The following PCSK5 variants were observed in gnomAD, a reference collection of about 807,000 sequenced individuals.
PCSK5 encodes the protein proprotein convertase subtilisin/kexin type 5, also known as prohormone convertase 5.
Under a neutral mutation model 233.2 loss-of-function variants are expected in PCSK5, and 129 were observed. The ratio of observed to expected loss-of-function variants is 0.55; its 90% CI spans 0.48 to 0.64. The LOEUF (loss-of-function observed/expected upper bound fraction) is 0.64, where lower values mean the gene tolerates loss of function less well. PCSK5 is among the 30% of genes least tolerant of loss of function. The pLI is 0.00. For missense variants in PCSK5, 2,076 were observed against 2,430.1 expected (o/e 0.85, Z 3.06); for synonymous variants, 825 against 879.2 (o/e 0.94, Z 1.09).
At chr9:75,966,995 AAT>A (rs1291861585) in intron 2 of PCSK5, among the ~76,000 whole-genome samples, 2 of 152,220 alleles carry the variant, frequency 1.3e-5, no homozygotes, top group Admixed American at 6.5e-5. Flanking sequence ...AGCCTTAGGA[AAT>A]AGTCTTCAAG....
At chr9:76,005,993 C>T (rs887181442) in intron 3 of PCSK5, among the ~76,000 whole-genome samples, 5 of 151,696 alleles carry the variant, frequency 3.3e-5, no homozygotes, top group African/African-American at 9.7e-5. Flanking sequence ...TACAGCCTCC[C>T]AAGGGGCTAG....
chr9:76,193,413 G>GAGAA lies in PCSK5; in HGVS notation c.2626+3668_2626+3669insGAAA, dbSNP rs1554704156. On this transcript the variant is annotated intron_variant, in intron 20 of 37. Transcript: ENST00000674117. ...ATAGATTATTCCATATTATTAAAAA[G>GAGAA]AAAAAAGCCAAAAAGAAAAAAAAAA... The GAGAA allele has an allele frequency of 7.1e-6, 7 of 981,746 alleles. No individual in the cohort carries two copies. In the East Asian group the frequency reaches 1.3e-4, roughly 18 times the overall value. 60.8% of individuals were successfully genotyped at this position (981,746 alleles called of 1,614,324 possible).
At chr9:76,072,075 T>C (rs1377008612) in intron 7 of PCSK5, among the ~76,000 whole-genome samples, 177 bp downstream of exon 7, 1 of 152,238 alleles carries the variant, frequency 6.6e-6, no homozygotes, top group Non-Finnish European at 1.5e-5. Context: ...ATTTCTGTTC[T>C]GCCAGTGAAC....
intron 9 of PCSK5, among the ~76,000 whole-genome samples, chr9:76,126,017 C>T (rs560685224): frequency 6.6e-6 from 1 of 152,100 alleles, no homozygotes; most frequent in Non-Finnish European, 1.5e-5. Context: ...GGAAAGATAG[C>T]ATTTTGGCAT....
intron 2 of PCSK5, among the ~76,000 whole-genome samples, chr9:75,934,082 C>T (rs2131286445): frequency 1.3e-5 from 2 of 152,290 alleles, no homozygotes; most frequent in African/African-American, 4.8e-5. Flanking sequence ...CTCAGTGCAT[C>T]ACATGGCTTA....
At chr9:76,216,589 TATTGGTTTAAGATGCCCACA>T (rs1825541315) in intron 20 of PCSK5, among the ~76,000 whole-genome samples, 1 of 152,138 alleles carries the variant, frequency 6.6e-6, no homozygotes, top group East Asian at 1.9e-4. Context: ...TTCTGTCCAA[TATTGGTTTAAGATGCCCACA>T]ATTTTTTAGG....
chr9:76,257,951 T>C (rs1396720164), intron 24 of PCSK5, among the ~76,000 whole-genome samples: 1 of 152,238 alleles, frequency 6.6e-6, no homozygotes, highest in Non-Finnish European at 1.5e-5. Context: ...TCTGACTAGC[T>C]ATAAACTATC....
chr9:76,019,249 G>A (rs1418115653), intron 3 of PCSK5, among the ~76,000 whole-genome samples: 3 of 126,924 alleles, frequency 2.4e-5, no homozygotes, highest in Non-Finnish European at 4.9e-5. Flanking sequence ...TTCACTTAAG[G>A]AATATCAATT....
chr9:76,322,946 C>A, intron 31 of PCSK5, 106 bp from the exon 32 acceptor site: 1 of 662,882 alleles, frequency 1.5e-6, no homozygotes, highest in Middle Eastern at 3.4e-4. Flanking sequence ...AGCATACTCT[C>A]AGGTCAAATC....
In PCSK5 at chr9:75,996,866, G is replaced by T. The variant is rs1890560; in HGVS notation, c.411+10621G>T. ...CTTAGCTAAGATTTTTCTTTAATTA[G>T]TAACTCATTCTCTTTTGGAGAGCAG... On this transcript the variant is annotated intron_variant, in intron 3 of 37. Transcript: ENST00000674117. 1.2e-3 allele frequency among the ~76,000 whole-genome samples: 163 copies of T among 139,840 alleles called. 2 individuals are homozygous for T. The East Asian group carries it at 0.025, about 22-fold the overall frequency. 91.7% of individuals were successfully genotyped at this position (139,840 alleles called of 152,430 possible). A position where few individuals can be genotyped will look rare whatever the true frequency, so the allele number is the denominator to read the frequency against.
At chr9:75,933,875 T>C (rs976687573) in intron 2 of PCSK5, among the ~76,000 whole-genome samples, 1 of 152,216 alleles carries the variant, frequency 6.6e-6, no homozygotes, top group Non-Finnish European at 1.5e-5. Flanking sequence ...TTCTTGAACT[T>C]TGGTAATTAA....
chr9:76,289,517 T>TACACACACAC (rs138282168), intron 24 of PCSK5, among the ~76,000 whole-genome samples: 4 of 119,356 alleles, frequency 3.4e-5, no homozygotes, highest in Non-Finnish European at 1.7e-5. Context: ...ACACGCAACA[T>TACACACACAC]ACACACACAC....
At chr9:76,168,902 G>A (rs999721006) in intron 12 of PCSK5, among the ~76,000 whole-genome samples, 2 of 152,032 alleles carry the variant, frequency 1.3e-5, no homozygotes, top group African/African-American at 2.4e-5. Flanking sequence ...CCACTGATCT[G>A]TTTCTTTACG....
intron 1 of PCSK5, among the ~76,000 whole-genome samples, chr9:75,919,900 G>T (rs539707609): frequency 6.6e-6 from 1 of 152,302 alleles, no homozygotes; most frequent in Admixed American, 6.5e-5. Context: ...GGGTGTGGTG[G>T]CTCACGTCTG....
At chr9:76,283,497 G>A (rs955066173) in intron 24 of PCSK5, among the ~76,000 whole-genome samples, 1 of 152,138 alleles carries the variant, frequency 6.6e-6, no homozygotes, top group African/African-American at 2.4e-5. Context: ...ATATTTTTTA[G>A]ACATAATGCT....
At position 76,224,476 on chromosome 9, in the gene PCSK5, C is replaced by G. The variant is rs556899834; in HGVS notation, c.2627-3027C>G. Among the ~76,000 whole-genome samples the G allele has an allele frequency of 2.6e-5, 4 of 151,852 alleles. No homozygotes were observed. The South Asian group carries it at 8.3e-4, about 32-fold the overall frequency. On this transcript the variant is annotated intron_variant, in intron 20 of 37. Coordinates refer to ENST00000674117, the MANE Select transcript of PCSK5 (RefSeq NM_001372043.1). ...TATTGCAAATGAGGAGGTGATGTCT[C>G]CTTTTGCAGAAGAATGGGTGGAACT...
chr9:76,029,017 C>T (rs191899367), intron 5 of PCSK5, among the ~76,000 whole-genome samples: 1 of 152,076 alleles, frequency 6.6e-6, no homozygotes, highest in Non-Finnish European at 1.5e-5. Flanking sequence ...TCTTAAAGTG[C>T]GGCCTATGAA....
chr9:75,928,603 A>G (rs1419355362), intron 1 of PCSK5, among the ~76,000 whole-genome samples: 1 of 92,606 alleles, frequency 1.1e-5, no homozygotes, highest in Non-Finnish European at 2.1e-5. Flanking sequence ...ATACATATAT[A>G]TATATATATA....
chr9:76,046,013 A>C (rs539437102), intron 5 of PCSK5, among the ~76,000 whole-genome samples: 1 of 152,290 alleles, frequency 6.6e-6, no homozygotes, highest in Admixed American at 6.5e-5. Flanking sequence ...GAGAATGAAG[A>C]ATATTATAAA....
Sources: gnomAD v4.1 joint callset for allele counts (sites outside exome capture counted in the v4.1 genomes callset) on GRCh38, gnomAD v4.1.1 for gene constraint, MANE v1.5 for transcripts, NCBI Gene and HGNC (gene_info 2026-07-23, HGNC 2026-07-21) for gene names.